STEAP1B: variants seen among roughly 807,000 people sequenced by gnomAD.
STEAP1B encodes STEAP family protein MGC87042.
A neutral mutation model predicts 27.9 loss-of-function variants in STEAP1B; 13 were observed. That is an observed-to-expected ratio of 0.47 (90% CI 0.30 to 0.74). The LOEUF (loss-of-function observed/expected upper bound fraction) is 0.74. Ranked by LOEUF, STEAP1B falls within the 30% of genes least tolerant of loss-of-function variation. STEAP1B has a pLI of 0.06. For missense variants in STEAP1B, 250 were observed against 298.7 expected (o/e 0.84, Z 1.20); for synonymous variants, 86 against 107.1 (o/e 0.80, Z 1.22).
chr7:22,496,974 T>G (rs1786453199), intron 1 of STEAP1B, among the ~76,000 whole-genome samples: 1 of 152,252 alleles, frequency 6.6e-6, no homozygotes, highest in Non-Finnish European at 1.5e-5. Context: ...ACATTCATGA[T>G]GAAGATATCT....
chr7:22,484,127 G>A (rs1015142851), intron 4 of STEAP1B, among the ~76,000 whole-genome samples: 20 of 152,248 alleles, frequency 1.3e-4, no homozygotes, highest in African/African-American at 4.6e-4. Context: ...AGAAGCTGTA[G>A]TGAGTTACTC....
At chr7:22,466,212 G>GT (rs901691163) in intron 4 of STEAP1B, among the ~76,000 whole-genome samples, 2 of 151,948 alleles carry the variant, frequency 1.3e-5, no homozygotes, top group African/African-American at 2.4e-5. Flanking sequence ...GTGTACAACA[G>GT]TTTTTTTTCT....
At chr7:22,422,454 C>G (rs1424190599) in intron 4 of STEAP1B, among the ~76,000 whole-genome samples, 1 of 151,870 alleles carries the variant, frequency 6.6e-6, no homozygotes, top group African/African-American at 2.4e-5. Flanking sequence ...CTGGAATATG[C>G]AAGGTGAGTC....
At chr7:22,428,456 A>G (rs1232079045) in intron 4 of STEAP1B, among the ~76,000 whole-genome samples, 1 of 152,146 alleles carries the variant, frequency 6.6e-6, no homozygotes, top group Non-Finnish European at 1.5e-5. Flanking sequence ...GCATCATACA[A>G]GCTCTTAAGA....
intron 4 of STEAP1B, among the ~76,000 whole-genome samples, chr7:22,449,182 A>G (rs1476042895): frequency 6.6e-6 from 1 of 152,180 alleles, no homozygotes; most frequent in Admixed American, 6.5e-5. Flanking sequence ...GTATGATTAA[A>G]TTATTATTGA....
At chr7:22,454,860 T>TAAATATAA (rs1562572885) in intron 4 of STEAP1B, among the ~76,000 whole-genome samples, 10 of 65,350 alleles carry the variant, frequency 1.5e-4, no homozygotes, top group East Asian at 1.0e-3. Context: ...TATATATATA[T>TAAATATAA]ATATATTTTT....
chr7:22,496,909 T>C (rs1381766005), intron 1 of STEAP1B, among the ~76,000 whole-genome samples: 2 of 152,250 alleles, frequency 1.3e-5, no homozygotes, highest in African/African-American at 4.8e-5. Flanking sequence ...AACATTTACT[T>C]TGTTGAGGTA....
chr7:22,436,515 T>C (rs75112039), intron 4 of STEAP1B, among the ~76,000 whole-genome samples: 35,825 of 151,434 alleles, frequency 0.24, 5,104 homozygotes, highest in Non-Finnish European at 0.31. Flanking sequence ...GCCTACTATG[T>C]ATTATTTTTC....
chr7:22,483,034 GTATT>G (rs1786112411), intron 4 of STEAP1B, among the ~76,000 whole-genome samples: 1 of 152,190 alleles, frequency 6.6e-6, no homozygotes, highest in Non-Finnish European at 1.5e-5. Context: ...TTTGCTCTGG[GTATT>G]TCTGAGAGCT....
At chr7:22,480,260 C>A (rs182068130) in intron 4 of STEAP1B, among the ~76,000 whole-genome samples, 2 of 152,200 alleles carry the variant, frequency 1.3e-5, no homozygotes, top group Non-Finnish European at 2.9e-5. Context: ...ATATCATTCT[C>A]GGCTAAAGGT....
intron 4 of STEAP1B, among the ~76,000 whole-genome samples, chr7:22,434,022 C>T (rs562608091): frequency 6.6e-6 from 1 of 152,314 alleles, no homozygotes; most frequent in Non-Finnish European, 1.5e-5. Context: ...GTGCATCTGG[C>T]ACCCACCTCA....
At chr7:22,456,974 T>TATATATATATATATATATATATATA (rs1562573770) in intron 4 of STEAP1B, among the ~76,000 whole-genome samples, 1 of 50,240 alleles carries the variant, frequency 2.0e-5, no homozygotes, top group African/African-American at 8.8e-5. Flanking sequence ...ATATATATAT[T>TATATATATATATATATATATATATA]TTTTTTTTTT....
intron 4 of STEAP1B, among the ~76,000 whole-genome samples, chr7:22,428,005 C>A (rs1286182383): frequency 6.6e-6 from 1 of 152,194 alleles, no homozygotes; most frequent in East Asian, 1.9e-4. Flanking sequence ...CTCAGCCAGT[C>A]CTACAAAGGA....
intron 4 of STEAP1B, among the ~76,000 whole-genome samples, chr7:22,445,261 G>A (rs1785392117): frequency 6.6e-6 from 1 of 152,260 alleles, no homozygotes; most frequent in Non-Finnish European, 1.5e-5. Context: ...CAGATTTGGA[G>A]CCGTGGAAGA....
At chr7:22,450,704 T>C (rs1339239356) in intron 4 of STEAP1B, among the ~76,000 whole-genome samples, 1 of 152,228 alleles carries the variant, frequency 6.6e-6, no homozygotes, top group Non-Finnish European at 1.5e-5. Flanking sequence ...GGTATTTTGA[T>C]AGAGATTAAA....
At chr7:22,427,550 A>T (rs760425780) in intron 4 of STEAP1B, among the ~76,000 whole-genome samples, 3 of 152,248 alleles carry the variant, frequency 2.0e-5, no homozygotes, top group Admixed American at 6.5e-5. Context: ...CTTTGACAGC[A>T]TCATGGAGCT....
intron 4 of STEAP1B, among the ~76,000 whole-genome samples, chr7:22,466,945 C>G (rs966963725): frequency 6.6e-6 from 1 of 152,212 alleles, no homozygotes; most frequent in South Asian, 2.1e-4. Flanking sequence ...AATAGCAACA[C>G]CTGCCTCCCA....
chr7:22,496,355 T>C (rs543640457), intron 1 of STEAP1B, among the ~76,000 whole-genome samples: 17 of 152,274 alleles, frequency 1.1e-4, no homozygotes, highest in African/African-American at 3.4e-4. Context: ...AAAGTTAATG[T>C]ATTATTAAAG....
chr7:22,434,072 C>G (rs544561552), intron 4 of STEAP1B, among the ~76,000 whole-genome samples: 2 of 152,178 alleles, frequency 1.3e-5, no homozygotes, highest in African/African-American at 4.8e-5. Context: ...CAAGGGTCAC[C>G]GGTTACTCTC....
Sources: allele counts gnomAD v4.1 joint callset (sites outside exome capture counted in the v4.1 genomes callset), GRCh38; gene constraint gnomAD v4.1.1; transcripts MANE v1.5; gene names NCBI Gene and HGNC (gene_info 2026-07-23, HGNC 2026-07-21).